Variants in SESN3 observed in about 807,000 individuals in gnomAD.
SESN3 encodes sestrin-3.
Under a neutral mutation model 55.3 loss-of-function variants are expected in SESN3, and 21 were observed. The observed-to-expected ratio is 0.38, with a 90% confidence interval of 0.27 to 0.55. The LOEUF is 0.55. SESN3 is among the 20% of genes least tolerant of loss of function. The pLI is 0.76. For synonymous variants in SESN3, 181 were observed against 203.1 expected (o/e 0.89, Z 0.93); for missense variants, 408 against 604.3 (o/e 0.68, Z 3.41).
chr11:95,185,291 T>C lies in SESN3; in HGVS notation c.727A>G (p.Ile243Val), dbSNP rs769670132. 1 of 1,612,544 alleles carries C rather than the reference T, an allele frequency of 6.2e-7. No homozygotes were observed. ...CTGCCTGAAAGAGATGCATTCTCTA[T>C]GTTGTTGTCATTAGCAAGATCACAA... ...CVCDLANDNNIENASLSGSNF... is the reference protein window; with the variant it reads ...CVCDLANDNNVENASLSGSNF... Residue 243 changes from isoleucine (I) to valine (V), a missense_variant, in exon 5 of 10, where the codon ATA becomes GTA. Transcript: ENST00000536441.
chr11:95,209,531 C>T (rs1247327307), intron 1 of SESN3, among the ~76,000 whole-genome samples: 2 of 151,284 alleles, frequency 1.3e-5, no homozygotes, highest in African/African-American at 2.4e-5. Flanking sequence ...CCATTTGACC[C>T]AGCAATCCCA....
intron 1 of SESN3, among the ~76,000 whole-genome samples, chr11:95,208,205 A>AT (rs1309896680): frequency 6.6e-6 from 1 of 151,492 alleles, no homozygotes; most frequent in Non-Finnish European, 1.5e-5. Flanking sequence ...AGTAGTATGA[A>AT]TAACTTTTGA....
At chr11:95,178,430 T>C (rs1859997899) in intron 7 of SESN3, among the ~76,000 whole-genome samples, 1 of 152,136 alleles carries the variant, frequency 6.6e-6, no homozygotes, top group African/African-American at 2.4e-5. Flanking sequence ...TTCCTCTCTG[T>C]TCCCCCTCAA....
chr11:95,230,940 TC>T lies in SESN3; in HGVS notation c.-81del, dbSNP rs1460531385. 6.6e-6 allele frequency: 6 copies of T among 906,270 alleles called. No individual in the cohort carries two copies. Among genetic ancestry groups the T allele is most frequent in the Non-Finnish European group, 7.6e-6 (5 of 657,304 alleles). The allele number at this position is 906,270 out of a possible 1,614,324, so 56.1% of individuals were successfully genotyped here. ...CTGCGGCCACTGCAGGGCCGGTCCG[TC>T]CCCCCGCCGCCAGCCGCGATTCCGC... On this transcript the variant is annotated 5_prime_UTR_variant, in exon 1 of 10. Transcript: ENST00000536441. This position sits in a 1 kb window ranked among gnomAD's most constrained non-coding sequence, Gnocchi z 4.6.
intron 6 of SESN3, among the ~76,000 whole-genome samples, chr11:95,183,429 G>A (rs2134225337): frequency 6.6e-6 from 1 of 152,182 alleles, no homozygotes; most frequent in South Asian, 2.1e-4. Flanking sequence ...AATGTTTTAT[G>A]TTTAACATTA....
chr11:95,174,033 G>C (rs1360558488), intron 9 of SESN3, among the ~76,000 whole-genome samples: 1 of 152,086 alleles, frequency 6.6e-6, no homozygotes, highest in Non-Finnish European at 1.5e-5. Context: ...AGAATTTCTA[G>C]ATACAATCTA....
At chr11:95,229,942 C>CT (rs1861020590) in intron 1 of SESN3, among the ~76,000 whole-genome samples, 1 of 152,152 alleles carries the variant, frequency 6.6e-6, no homozygotes, top group Non-Finnish European at 1.5e-5. Context: ...GTCTAGAGAC[C>CT]TTTTTTTCAT....
intron 4 of SESN3, among the ~76,000 whole-genome samples, chr11:95,186,320 TAAAACAAAAC>T (rs1000118201): frequency 2.0e-5 from 3 of 151,258 alleles, no homozygotes; most frequent in Admixed American, 6.6e-5. Context: ...ACTTAATGGC[TAAAACAAAAC>T]AAAACAAAAC....
At chr11:95,204,793 G>A (rs983282653) in intron 1 of SESN3, 1 of 152,086 alleles carries the variant, frequency 6.6e-6, no homozygotes, top group Non-Finnish European at 1.5e-5. Context: ...CCAGTCTTTG[G>A]TTTTTGTTAT....
At chr11:95,216,968 T>C (rs982593740) in intron 1 of SESN3, among the ~76,000 whole-genome samples, 1 of 151,794 alleles carries the variant, frequency 6.6e-6, no homozygotes, top group Non-Finnish European at 1.5e-5. Context: ...TAGCTGGGTG[T>C]GGTGGTGCAT....
At chr11:95,179,558 A>G (rs1671987807) in intron 6 of SESN3, among the ~76,000 whole-genome samples, 1 of 152,104 alleles carries the variant, frequency 6.6e-6, no homozygotes, top group African/African-American at 2.4e-5. Flanking sequence ...TTTCATCTGG[A>G]TGTATTCACA....
intron 1 of SESN3, among the ~76,000 whole-genome samples, chr11:95,211,470 A>C (rs970496437): frequency 3.3e-5 from 5 of 152,226 alleles, no homozygotes; most frequent in African/African-American, 1.2e-4. Flanking sequence ...AGCTCTTAAG[A>C]GTGTGACATC....
chr11:95,172,704 CAAAT>C lies in SESN3; in HGVS notation c.*547_*550del, dbSNP rs1859872982. 3 of 152,132 alleles carry C rather than the reference CAAAT, an allele frequency of 2.0e-5. No homozygotes were observed. The South Asian group carries it at 6.2e-4, about 32-fold the overall frequency. The allele number at this position is 152,132 out of a possible 1,614,324, so 9.4% of individuals were successfully genotyped here. A position where few individuals can be genotyped will look rare whatever the true frequency, so the allele number is the denominator to read the frequency against. On this transcript the variant is annotated 3_prime_UTR_variant, in exon 10 of 10. Transcript: ENST00000536441. ...CAAACAAATAAAAAACAGTGCCTGA[CAAAT>C]AATCTCCTGGGGACACAAATATGTG...
In SESN3 at chr11:95,167,475, C is replaced by G. The variant is rs1173028434; in HGVS notation, c.*5780G>C. 2 of 150,826 alleles carry G rather than the reference C, an allele frequency of 1.3e-5. No homozygotes were observed. Among genetic ancestry groups the G allele is most frequent in the African/African-American group, 5.0e-5 (2 of 40,226 alleles). The allele number at this position is 150,826 out of a possible 1,614,324, so 9.3% of individuals were successfully genotyped here. A position where few individuals can be genotyped will look rare whatever the true frequency, so the allele number is the denominator to read the frequency against. ...TCAGATATTCATTCTGTTTCCCCCC[C>G]ATATATATAATTTTTCATTCTGTAC... On this transcript the variant is annotated 3_prime_UTR_variant, in exon 10 of 10. Coordinates refer to ENST00000536441, the MANE Select transcript of SESN3 (RefSeq NM_144665.4).
At chr11:95,200,059 GA>G (rs1395871445) in intron 1 of SESN3, among the ~76,000 whole-genome samples, 1 of 151,980 alleles carries the variant, frequency 6.6e-6, no homozygotes, top group Non-Finnish European at 1.5e-5. Flanking sequence ...ACGAATGTAA[GA>G]AAGCCAATTG....
At chr11:95,185,755 T>C (rs1860151110) in intron 4 of SESN3, among the ~76,000 whole-genome samples, 1 of 152,070 alleles carries the variant, frequency 6.6e-6, no homozygotes, top group South Asian at 2.1e-4. Context: ...ATTTTTTATA[T>C]AGTATGCTAT....
Position 95,165,909 on chromosome 11 carries a change from A to T in SESN3, c.*7346T>A, listed in dbSNP as rs1859737903. 6.6e-6 allele frequency: 1 copy of T among 152,228 alleles called. No individual in the cohort carries two copies. The highest frequency in any genetic ancestry group is 2.4e-5 in the African/African-American group (1 of 41,450). 9.4% of individuals were successfully genotyped at this position (152,228 alleles called of 1,614,324 possible). A position where few individuals can be genotyped will look rare whatever the true frequency, so the allele number is the denominator to read the frequency against. On this transcript the variant is annotated 3_prime_UTR_variant, in exon 10 of 10. Coordinates refer to ENST00000536441, the MANE Select transcript of SESN3 (RefSeq NM_144665.4). ...AGCAAACATAAGAAAAACAAAACCT[A>T]GTAATACATACAAAAGCTTTCATGG...
rs755460664 is a variant in SESN3 at position 95,185,289 on chromosome 11, T to A, written c.729A>T (p.Ile243=). The A allele has an allele frequency of 6.2e-6, 10 of 1,612,134 alleles. No homozygotes were observed. In the South Asian group the frequency reaches 1.1e-4, roughly 18 times the overall value. Residue 243 remains isoleucine, a synonymous_variant, in exon 5 of 10, where the codon ATA becomes ATT. Coordinates refer to ENST00000536441, the MANE Select transcript of SESN3 (RefSeq NM_144665.4). ...TGCTGCCTGAAAGAGATGCATTCTC[T>A]ATGTTGTTGTCATTAGCAAGATCAC... ...CVCDLANDNN[I]ENASLSGSNF...
At chr11:95,219,423 T>C (rs1860819364) in intron 1 of SESN3, among the ~76,000 whole-genome samples, 2 of 152,216 alleles carry the variant, frequency 1.3e-5, no homozygotes, top group African/African-American at 4.8e-5. Context: ...AAATGTCTAA[T>C]TTTATATCAA....
Sources: allele counts gnomAD v4.1 joint callset (sites outside exome capture counted in the v4.1 genomes callset), GRCh38; gene constraint gnomAD v4.1.1; non-coding constraint Gnocchi (gnomAD v3.1); transcripts MANE v1.5; gene names NCBI Gene and HGNC (gene_info 2026-07-23, HGNC 2026-07-21).